The following CSMD1 variants were observed in gnomAD, a reference collection of about 807,000 sequenced individuals.
CSMD1 encodes the protein CUB and sushi domain-containing protein 1.
In CSMD1, 213 loss-of-function variants were observed where a neutral mutation model predicts 417.5. The observed-to-expected ratio is 0.51, with a 90% CI of 0.46 to 0.57. The LOEUF (loss-of-function observed/expected upper bound fraction) is 0.57, where lower values mean the gene tolerates loss of function less well. Among genes scored for constraint, CSMD1 ranks in the 20% least tolerant of loss-of-function variants. The pLI, the probability that CSMD1 is intolerant of heterozygous loss-of-function variation, is 0.00. For missense variants in CSMD1, 6,923 were observed against 4,529.7 expected (o/e 1.53, Z -15.17); for synonymous variants, 2,862 against 1,736.8 (o/e 1.65, Z -16.11).
chr8:4,110,359 T>C (rs1294900187), intron 3 of CSMD1, among the ~76,000 whole-genome samples: 1 of 152,146 alleles, frequency 6.6e-6, no homozygotes, highest in African/African-American at 2.4e-5. Context: ...TATGGATATG[T>C]ATGTTTTTAA....
At chr8:4,406,321 G>A (rs1805018010) in intron 3 of CSMD1, among the ~76,000 whole-genome samples, 1 of 152,006 alleles carries the variant, frequency 6.6e-6, no homozygotes, top group Non-Finnish European at 1.5e-5. Flanking sequence ...TTCCAGTTGT[G>A]AATTCAACAC....
At chr8:4,992,026 A>G (rs560323895) in intron 1 of CSMD1, among the ~76,000 whole-genome samples, 27 of 152,076 alleles carry the variant, frequency 1.8e-4, no homozygotes, top group Non-Finnish European at 3.5e-4. Flanking sequence ...AGCTCCATGC[A>G]CGCCAGGGGC....
Position 3,974,062 on chromosome 8 carries a change from G to A in CSMD1, c.818+23841C>T, listed in dbSNP as rs140780735. On this transcript the variant is annotated intron_variant, in intron 5 of 69. Coordinates refer to ENST00000635120, the MANE Select transcript of CSMD1 (RefSeq NM_033225.6). ...AGTTATCATTGACTATAGTCTCCTCGTTGTGCTCTGAAATGGTAGGTCTTA... is the reference window on the plus strand; with the variant it reads ...AGTTATCATTGACTATAGTCTCCTCATTGTGCTCTGAAATGGTAGGTCTTA... Among the ~76,000 whole-genome samples, 420 of 152,056 alleles carry A rather than the reference G, an allele frequency of 2.8e-3. 2 individuals are homozygous for A. The highest frequency in any genetic ancestry group is 8.9e-3 in the African/African-American group (370 of 41,462).
intron 1 of CSMD1, among the ~76,000 whole-genome samples, chr8:4,737,126 C>A (rs558170105): frequency 1.3e-5 from 2 of 151,670 alleles, no homozygotes; most frequent in Non-Finnish European, 2.9e-5. Context: ...AAATGTGGTA[C>A]ATCCATACCA....
intron 26 of CSMD1, among the ~76,000 whole-genome samples, chr8:3,232,350 A>T: frequency 6.6e-6 from 1 of 150,992 alleles, no homozygotes; most frequent in Admixed American, 6.6e-5. Flanking sequence ...AAGTTCTGTG[A>T]CTCTCTGTCT....
chr8:3,486,682 C>T (rs11777685), intron 11 of CSMD1, among the ~76,000 whole-genome samples: 24,179 of 152,226 alleles, frequency 0.16, 2,065 homozygotes, highest in Middle Eastern at 0.26. Context: ...CCCTCGGGCT[C>T]CGATTCCTGT....
chr8:4,931,094 T>C (rs1223647557), intron 1 of CSMD1, among the ~76,000 whole-genome samples: 3 of 152,256 alleles, frequency 2.0e-5, no homozygotes, highest in African/African-American at 4.8e-5. Context: ...GGCAATTATA[T>C]AGATATCTTC....
chr8:4,716,928 G>A (rs551060162), intron 1 of CSMD1, among the ~76,000 whole-genome samples: 1 of 151,972 alleles, frequency 6.6e-6, no homozygotes, highest in African/African-American at 2.4e-5. Context: ...TTAACAATGA[G>A]ATCCAATAGG....
At chr8:3,628,735 G>A (rs367891166) in intron 7 of CSMD1, among the ~76,000 whole-genome samples, 1 of 152,114 alleles carries the variant, frequency 6.6e-6, no homozygotes, top group African/African-American at 2.4e-5. Flanking sequence ...CACAGCTCAT[G>A]AGAGCCATAC....
intron 1 of CSMD1, among the ~76,000 whole-genome samples, chr8:4,811,285 G>C (rs1205239403): frequency 1.3e-5 from 2 of 152,128 alleles, no homozygotes; most frequent in East Asian, 3.9e-4. Context: ...AATTAGGAAT[G>C]TCAAACCTAG....
chr8:3,692,293 A>G (rs1385165946), intron 7 of CSMD1, among the ~76,000 whole-genome samples: 3 of 152,016 alleles, frequency 2.0e-5, no homozygotes, highest in African/African-American at 7.3e-5. Context: ...ATTTGTATAC[A>G]CCCCACTGAA....
At chr8:4,203,009 C>G (rs1457035730) in intron 3 of CSMD1, among the ~76,000 whole-genome samples, 1 of 152,146 alleles carries the variant, frequency 6.6e-6, no homozygotes, top group African/African-American at 2.4e-5. Context: ...TTCCCAGAAC[C>G]TGTGACTATG....
rs376839295 is a variant in CSMD1 at position 4,200,010 on chromosome 8, C to A, written c.416-167911G>T. On this transcript the variant is annotated intron_variant, in intron 3 of 69. Coordinates refer to ENST00000635120, the MANE Select transcript of CSMD1 (RefSeq NM_033225.6). Reference sequence around the variant, plus strand: ...CTATTAAAAGTTCAAGGGCCCTGGACTTGTTGAAAATTATGTTGAGGTGCC... The same window carrying A: ...CTATTAAAAGTTCAAGGGCCCTGGAATTGTTGAAAATTATGTTGAGGTGCC... Among the ~76,000 whole-genome samples the A allele has an allele frequency of 5.9e-5, 9 of 152,128 alleles. No homozygotes were observed. In the East Asian group the frequency reaches 1.3e-3, roughly 23 times the overall value.
Position 4,826,664 on chromosome 8 carries a change from A to G in CSMD1, c.85+167668T>C, listed in dbSNP as rs551950238. ...GCACTTGCACCTCACTCTCATGTGT[A>G]GCTTTCCTTCCCACTCATTCTAAGC... On this transcript the variant is annotated intron_variant, in intron 1 of 69. Transcript: ENST00000635120. 2.2e-3 allele frequency among the ~76,000 whole-genome samples: 331 copies of G among 152,232 alleles called. 3 individuals are homozygous for G. Among genetic ancestry groups the G allele is most frequent in the Non-Finnish European group, 2.2e-3 (151 of 67,994 alleles).
chr8:4,019,033 A>C (rs558289741), intron 4 of CSMD1, among the ~76,000 whole-genome samples: 2 of 152,386 alleles, frequency 1.3e-5, no homozygotes, highest in South Asian at 4.1e-4. Context: ...GACTAAGATG[A>C]AATCTTTATC....
intron 10 of CSMD1, among the ~76,000 whole-genome samples, chr8:3,560,364 G>A (rs1453817849): frequency 1.3e-5 from 2 of 152,014 alleles, no homozygotes; most frequent in African/African-American, 2.4e-5. Context: ...CAGTTATATG[G>A]CATATGAGGA....
At chr8:4,990,756 G>A (rs377718704) in intron 1 of CSMD1, among the ~76,000 whole-genome samples, 1 of 152,006 alleles carries the variant, frequency 6.6e-6, no homozygotes, top group African/African-American at 2.4e-5. Flanking sequence ...TATTGGGTGC[G>A]GCTCTGCCAT....
At chr8:4,195,837 G>A (rs551433356) in intron 3 of CSMD1, among the ~76,000 whole-genome samples, 1 of 152,158 alleles carries the variant, frequency 6.6e-6, no homozygotes, top group Non-Finnish European at 1.5e-5. Flanking sequence ...TGAGGAGGCA[G>A]TGGAATTAAC....
chr8:4,182,884 G>C (rs747821026), intron 3 of CSMD1, among the ~76,000 whole-genome samples: 1 of 152,126 alleles, frequency 6.6e-6, no homozygotes, highest in Non-Finnish European at 1.5e-5. Context: ...GTCTAGAACT[G>C]TATGTTTGAA....
Sources: allele counts gnomAD v4.1 joint callset (sites outside exome capture counted in the v4.1 genomes callset), GRCh38; gene constraint gnomAD v4.1.1; transcripts MANE v1.5; gene names NCBI Gene and HGNC (gene_info 2026-07-23, HGNC 2026-07-21).